COTL1: variants seen among roughly 807,000 people sequenced by gnomAD.
COTL1 encodes coactosin-like protein.
A neutral mutation model predicts 16.5 loss-of-function variants in COTL1; 15 were observed. The observed-to-expected ratio is 0.91, with a 90% CI of 0.61 to 1.40. The LOEUF is 1.40. Among genes scored for constraint, COTL1 ranks in the 40% most tolerant of loss-of-function variants. The probability of loss-of-function intolerance (pLI) is 0.00; values close to 1 mark genes in which losing one functional copy is unlikely to be tolerated. For synonymous variants in COTL1, 112 were observed against 85.3 expected, an observed-to-expected ratio of 1.31 and a Z score of -1.73; for missense variants, 220 against 201.5, an observed-to-expected ratio of 1.09 and a Z score of -0.56.
chr16:84,598,661 C>T (rs1047955297), intron 2 of COTL1, among the ~76,000 whole-genome samples: 1 of 151,040 alleles, frequency 6.6e-6, no homozygotes, highest in Admixed American at 6.6e-5. Flanking sequence ...CCCCCAACCC[C>T]CCCCACCAAC....
At chr16:84,581,077 G>C (rs1904578038) in intron 3 of COTL1, among the ~76,000 whole-genome samples, 1 of 151,676 alleles carries the variant, frequency 6.6e-6, no homozygotes, top group African/African-American at 2.4e-5. Flanking sequence ...AGGAGACGGA[G>C]GCTGCAGTGA....
chr16:84,592,051 A>C (rs2150688685), intron 2 of COTL1, among the ~76,000 whole-genome samples: 1 of 152,250 alleles, frequency 6.6e-6, no homozygotes, highest in Admixed American at 6.5e-5. Flanking sequence ...GGTGCTGAGC[A>C]GCACCCCTCA....
Position 84,617,195 on chromosome 16 carries a change from G to C in COTL1, c.160+306C>G, listed in dbSNP as rs564164187. Reference sequence around the variant, plus strand: ...AGTGGGAAGAGCTGGATGGACACTGGAGTTTGGAAACACAGGAGTTGACCT... The same window carrying C: ...AGTGGGAAGAGCTGGATGGACACTGCAGTTTGGAAACACAGGAGTTGACCT... On this transcript the variant is annotated intron_variant, in intron 2 of 3. Transcript: ENST00000262428. 9.2e-5 allele frequency among the ~76,000 whole-genome samples: 14 copies of C among 152,162 alleles called. No individual in the cohort carries two copies. The East Asian group carries it at 1.9e-3, about 21-fold the overall frequency.
intron 2 of COTL1, among the ~76,000 whole-genome samples, chr16:84,609,785 T>G (rs959272273): frequency 3.7e-5 from 3 of 80,876 alleles, no homozygotes; most frequent in Non-Finnish European, 9.6e-5. Context: ...TTCACTTGGC[T>G]CTCAGTCTGT....
intron 2 of COTL1, among the ~76,000 whole-genome samples, chr16:84,606,369 C>T (rs1597184436): frequency 6.6e-6 from 1 of 152,224 alleles, no homozygotes; most frequent in Non-Finnish European, 1.5e-5. Context: ...CAGACATCTA[C>T]ATGGACTGTC....
chr16:84,611,356 G>A (rs569923880), intron 2 of COTL1, among the ~76,000 whole-genome samples: 2 of 152,334 alleles, frequency 1.3e-5, no homozygotes, highest in African/African-American at 2.4e-5. Flanking sequence ...GAGAAACTAC[G>A]TAGCCATTTT....
At chr16:84,609,833 C>T (rs978482511) in intron 2 of COTL1, among the ~76,000 whole-genome samples, 4 of 152,184 alleles carry the variant, frequency 2.6e-5, no homozygotes, top group Admixed American at 6.5e-5. Context: ...GTTTGCTTCC[C>T]CTTTTGCCAT....
rs372754181 is a variant in COTL1 at position 84,585,067 on chromosome 16, C to T, written c.318+5038G>A. ...AAAGAAAAGAAAAATTTCCAGAATA[C>T]GCCAAAATAGAATATGACACAGCAA... is the stretch of plus-strand genomic sequence containing the variant. On this transcript the variant is annotated intron_variant, in intron 3 of 3. Coordinates refer to ENST00000262428, the MANE Select transcript of COTL1 (RefSeq NM_021149.5). Among the ~76,000 whole-genome samples the T allele has an allele frequency of 1.2e-4, 19 of 152,310 alleles. No homozygotes were observed. In the East Asian group the frequency reaches 1.5e-3, roughly 12 times the overall value.
intron 2 of COTL1, among the ~76,000 whole-genome samples, chr16:84,597,598 C>T (rs977027022): frequency 7.9e-5 from 12 of 152,058 alleles, no homozygotes; most frequent in African/African-American, 2.9e-4. Flanking sequence ...CTGAGGCTGC[C>T]AAACCTTGAG....
intron 2 of COTL1, among the ~76,000 whole-genome samples, chr16:84,611,594 C>T (rs1905326894): frequency 6.6e-6 from 1 of 152,190 alleles, no homozygotes; most frequent in South Asian, 2.1e-4. Context: ...CTGTATTTAT[C>T]CTCAGTGCCT....
chr16:84,599,051 GTCCCCACTAAGC>G (rs1905062988), intron 2 of COTL1, among the ~76,000 whole-genome samples: 1 of 151,890 alleles, frequency 6.6e-6, no homozygotes, highest in South Asian at 2.1e-4. Context: ...ACGGCATATG[GTCCCCACTAAGC>G]TCTGAAGGCT....
At chr16:84,614,387 G>A (rs528256414) in intron 2 of COTL1, among the ~76,000 whole-genome samples, 5 of 152,018 alleles carry the variant, frequency 3.3e-5, no homozygotes, top group African/African-American at 4.8e-5. Context: ...CAGACACCCC[G>A]TGGCCCTCTG....
Position 84,566,735 on chromosome 16 carries a change from GCTT to G in COTL1, c.*107_*109del, listed in dbSNP as rs1904300155. 8.4e-6 allele frequency: 6 copies of G among 710,426 alleles called. No homozygotes were observed. In the South Asian group the frequency reaches 1.0e-4, roughly 12 times the overall value. The allele number at this position is 710,426 out of a possible 1,614,324, so 44.0% of individuals were successfully genotyped here. ...AGGGTGGCGGGCGCTGCCTCTCATG[GCTT>G]CTTTTCTCCCTGGTGGGCTGGTGGG... On this transcript the variant is annotated 3_prime_UTR_variant, in exon 4 of 4. Transcript: ENST00000262428.
At chr16:84,609,545 C>T (rs1186571437) in intron 2 of COTL1, among the ~76,000 whole-genome samples, 3 of 152,240 alleles carry the variant, frequency 2.0e-5, no homozygotes, top group African/African-American at 7.2e-5. Context: ...GGGGGCCTCA[C>T]TTTCTCCTCT....
At position 84,572,689 on chromosome 16, in the gene COTL1, T is replaced by C. The variant is rs151294354; in HGVS notation, c.319-5734A>G. ...GTTGCCCAGGCTGGTCTCCAACTCC[T>C]GGGCTCAAGCGATCCACCCATCTTG... On this transcript the variant is annotated intron_variant, in intron 3 of 3. Coordinates refer to ENST00000262428, the MANE Select transcript of COTL1 (RefSeq NM_021149.5). Among the ~76,000 whole-genome samples, 980 of 152,258 alleles carry C rather than the reference T, an allele frequency of 6.4e-3. 11 individuals carry two copies. The highest frequency in any genetic ancestry group is 0.022 in the African/African-American group (930 of 41,534).
In COTL1 at chr16:84,590,030, C is replaced by T. The variant is rs74418947; in HGVS notation, c.318+75G>A. 5.1e-3 allele frequency: 7,612 copies of T among 1,501,030 alleles called. 32 individuals are homozygous for T. Among genetic ancestry groups the T allele is most frequent in the Non-Finnish European group, 6.2e-3 (6,766 of 1,100,024 alleles). 93.0% of individuals were successfully genotyped at this position (1,501,030 alleles called of 1,614,324 possible). On this transcript the variant is annotated intron_variant, in intron 3 of 3. Coordinates refer to ENST00000262428, the MANE Select transcript of COTL1 (RefSeq NM_021149.5). The surrounding 1 kb of genome is among the most constrained non-coding windows in gnomAD (Gnocchi z 5.5). ...CTAAGCTACAGACCCAGGAGTCGAA[C>T]CCAGCCCTCTCCCTCCTTGCAGGAT...
intron 3 of COTL1, among the ~76,000 whole-genome samples, chr16:84,570,822 G>A (rs1051883053): frequency 6.6e-6 from 1 of 152,164 alleles, no homozygotes; most frequent in African/African-American, 2.4e-5. Context: ...AAAAAGCAAA[G>A]GGTTAGAAAG....
At chr16:84,594,093 G>A (rs1347567858) in intron 2 of COTL1, among the ~76,000 whole-genome samples, 1 of 149,616 alleles carries the variant, frequency 6.7e-6, no homozygotes, top group Non-Finnish European at 1.5e-5. Flanking sequence ...GCTGCCGCAT[G>A]TGCGGGTCAC....
rs1284764317 is a variant in COTL1 at position 84,566,061 on chromosome 16, A to G, written c.*784T>C. ...GAACCCTGAAATACTCCCTCCGTCAACTCTGGGCTCAGACCTTTGCCCTTC... is the reference window on the plus strand; with the variant it reads ...GAACCCTGAAATACTCCCTCCGTCAGCTCTGGGCTCAGACCTTTGCCCTTC... On this transcript the variant is annotated 3_prime_UTR_variant, in exon 4 of 4. Transcript: ENST00000262428. The G allele has an allele frequency of 1.3e-5, 2 of 152,488 alleles. No homozygotes were observed. The highest frequency in any genetic ancestry group is 4.8e-5 in the African/African-American group (2 of 41,368). 9.4% of individuals were successfully genotyped at this position (152,488 alleles called of 1,614,324 possible). A position where few individuals can be genotyped will look rare whatever the true frequency, so the allele number is the denominator to read the frequency against.
Sources: allele counts gnomAD v4.1 joint callset (sites outside exome capture counted in the v4.1 genomes callset), GRCh38; gene constraint gnomAD v4.1.1; non-coding constraint Gnocchi (gnomAD v3.1); transcripts MANE v1.5; gene names NCBI Gene and HGNC (gene_info 2026-07-23, HGNC 2026-07-21).